Variants in SEMA3A observed in about 807,000 individuals in gnomAD.
SEMA3A encodes semaphorin-3A.
Under a neutral mutation model 97.9 loss-of-function variants are expected in SEMA3A, and 29 were observed. That is an observed-to-expected ratio of 0.30 (90% CI 0.22 to 0.40). The LOEUF is 0.40. Among genes scored for constraint, SEMA3A ranks in the 10% least tolerant of loss-of-function variants. The probability of loss-of-function intolerance (pLI) is 1.00; values close to 1 mark genes in which losing one functional copy is unlikely to be tolerated. For missense variants in SEMA3A, 763 were observed against 951.3 expected (o/e 0.80, Z 2.60); for synonymous variants, 321 against 323.7 (o/e 0.99, Z 0.09).
At chr7:84,170,057 T>G (rs1797337876) in intron 1 of SEMA3A, among the ~76,000 whole-genome samples, 1 of 151,896 alleles carries the variant, frequency 6.6e-6, no homozygotes, top group African/African-American at 2.4e-5. Flanking sequence ...AAATATTAAG[T>G]GTCACCAAGC....
At chr7:84,166,539 C>A (rs1458877127) in intron 1 of SEMA3A, among the ~76,000 whole-genome samples, 2 of 145,536 alleles carry the variant, frequency 1.4e-5, no homozygotes, top group Non-Finnish European at 3.0e-5. Flanking sequence ...CCATCTCACT[C>A]CAGCCTGGGC....
chr7:84,336,901 T>A (rs1407870577), intron 2 of SEMA3A, among the ~76,000 whole-genome samples: 5 of 152,164 alleles, frequency 3.3e-5, no homozygotes, highest in African/African-American at 1.2e-4. Context: ...AAGTCTAACT[T>A]AAATATAATT....
chr7:84,456,564 C>T (rs975251963), intron 1 of SEMA3A, among the ~76,000 whole-genome samples: 13 of 151,710 alleles, frequency 8.6e-5, no homozygotes, highest in East Asian at 3.9e-4. Context: ...ATTTACATTT[C>T]GTAAATATTT....
intron 1 of SEMA3A, among the ~76,000 whole-genome samples, chr7:84,169,103 T>C (rs1562827778): frequency 6.6e-6 from 1 of 151,742 alleles, no homozygotes; most frequent in Non-Finnish European, 1.5e-5. Flanking sequence ...TCAAATTCTA[T>C]ATTGTCCCCA....
At chr7:84,006,332 A>C (rs113080543) in intron 10 of SEMA3A, among the ~76,000 whole-genome samples, 29 of 152,228 alleles carry the variant, frequency 1.9e-4, no homozygotes, top group African/African-American at 6.5e-4. Flanking sequence ...TTTCTAACAT[A>C]ATGCTAAAAA....
chr7:84,111,600 C>T, intron 3 of SEMA3A, among the ~76,000 whole-genome samples: 1 of 152,058 alleles, frequency 6.6e-6, no homozygotes, highest in Non-Finnish European at 1.5e-5. Context: ...CTGATGATGA[C>T]CCTAAAATAC....
rs1015682125 is a variant in SEMA3A, at chr7:84,098,081, A to C, written c.453+12389T>G. On this transcript the variant is annotated intron_variant, in intron 4 of 16. Transcript: ENST00000265362. ...AGAGTATGACCATCTTCTGATATTTAATAATAATTTATGCTATATAAAATT... is the reference window on the plus strand; with the variant it reads ...AGAGTATGACCATCTTCTGATATTTCATAATAATTTATGCTATATAAAATT... 2.6e-5 allele frequency among the ~76,000 whole-genome samples: 4 copies of C among 152,060 alleles called. No individual in the cohort carries two copies. In the East Asian group the frequency reaches 7.7e-4, roughly 29 times the overall value.
intron 1 of SEMA3A, among the ~76,000 whole-genome samples, chr7:84,392,426 T>C (rs533361719): frequency 6.6e-6 from 1 of 152,298 alleles, no homozygotes; most frequent in Admixed American, 6.6e-5. Flanking sequence ...TGAATAGTAT[T>C]CCATTGGGGA....
intron 3 of SEMA3A, among the ~76,000 whole-genome samples, chr7:84,282,386 A>AT (rs1319995378): frequency 5.3e-5 from 8 of 152,258 alleles, no homozygotes; most frequent in South Asian, 2.1e-4. Flanking sequence ...AAATAAATCC[A>AT]TTTTTTATGT....
chr7:84,395,692 T>C (rs1161850989), intron 1 of SEMA3A, among the ~76,000 whole-genome samples: 1 of 152,096 alleles, frequency 6.6e-6, no homozygotes, highest in Non-Finnish European at 1.5e-5. Context: ...GAGGGCCTTT[T>C]TCCCTGTTTG....
In SEMA3A at chr7:83,977,154, A is replaced by G; in HGVS notation, c.1695T>C (p.Thr565=). The G allele has an allele frequency of 6.3e-7, 1 of 1,589,404 alleles. No homozygotes were observed. Among genetic ancestry groups the G allele is most frequent in the Non-Finnish European group, 8.6e-7 (1 of 1,166,084 alleles). The part of the protein sequence containing the change: ...RQDIRNGDPL[T]HCSDLHHDNH... ...TACCATGGTGTAAGTCTGAACAGTG[A>G]GTCAGTGGGTCTCCATTTCTTATAT... Residue 565 remains threonine, a synonymous_variant, in exon 15 of 17, where the codon ACT becomes ACC. Transcript: ENST00000265362.
At chr7:84,425,553 CAT>C (rs575110579) in intron 1 of SEMA3A, among the ~76,000 whole-genome samples, 108 of 142,856 alleles carry the variant, frequency 7.6e-4, no homozygotes, top group African/African-American at 2.3e-3. Flanking sequence ...TGAATATAAA[CAT>C]ATTTATATGA....
chr7:84,163,396 A>C (rs1797103093), intron 1 of SEMA3A, among the ~76,000 whole-genome samples: 2 of 151,750 alleles, frequency 1.3e-5, no homozygotes, highest in African/African-American at 2.4e-5. Context: ...GTAAGAGGCC[A>C]AAAAAAAGAA....
At chr7:84,334,353 C>A (rs1441235172) in intron 2 of SEMA3A, among the ~76,000 whole-genome samples, 1 of 152,052 alleles carries the variant, frequency 6.6e-6, no homozygotes, top group East Asian at 1.9e-4. Context: ...TAATTTACCT[C>A]ATGAATTTCA....
At chr7:83,969,299 C>T (rs1788831768) in intron 15 of SEMA3A, among the ~76,000 whole-genome samples, 1 of 152,134 alleles carries the variant, frequency 6.6e-6, no homozygotes, top group East Asian at 1.9e-4. Context: ...TTACACTCCT[C>T]AATGTGAATC....
chr7:84,320,735 C>T (rs184167956), intron 2 of SEMA3A, among the ~76,000 whole-genome samples: 36 of 151,856 alleles, frequency 2.4e-4, no homozygotes, highest in Admixed American at 1.2e-3. Context: ...AATTATTATA[C>T]AATGTGGGAT....
chr7:84,173,559 C>CAAAAAA (rs34919422), intron 1 of SEMA3A, among the ~76,000 whole-genome samples: 37 of 80,678 alleles, frequency 4.6e-4, no homozygotes, highest in African/African-American at 1.5e-3. Context: ...AACTCTGTCT[C>CAAAAAA]AAAAAAAAAA....
chr7:84,047,943 T>C (rs1792421804), intron 5 of SEMA3A, among the ~76,000 whole-genome samples: 1 of 151,992 alleles, frequency 6.6e-6, no homozygotes, highest in South Asian at 2.1e-4. Context: ...GACTTGACTA[T>C]GGAGACCCTC....
At chr7:84,050,875 T>C (rs1275053668) in intron 5 of SEMA3A, among the ~76,000 whole-genome samples, 1 of 151,292 alleles carries the variant, frequency 6.6e-6, no homozygotes, top group East Asian at 1.9e-4. Flanking sequence ...CCATCTTGAA[T>C]TGATTTTTGT....
Sources: allele counts gnomAD v4.1 joint callset (sites outside exome capture counted in the v4.1 genomes callset), GRCh38; gene constraint gnomAD v4.1.1; transcripts MANE v1.5; gene names NCBI Gene and HGNC (gene_info 2026-07-23, HGNC 2026-07-21).